OTOS: variants seen among roughly 807,000 people sequenced by gnomAD.
OTOS encodes the protein otospiralin.
OTOS carries 14 observed loss-of-function variants against 12.5 expected under a neutral mutation model. The ratio of observed to expected loss-of-function variants is 1.12; its 90% confidence interval spans 0.74 to 1.76. OTOS has a LOEUF of 1.76. Among genes scored for constraint, OTOS ranks in the 40% most tolerant of loss-of-function variants. The probability of loss-of-function intolerance (pLI) is 0.00; values close to 1 mark genes in which losing one functional copy is unlikely to be tolerated. For missense variants in OTOS, 141 were observed against 112.8 expected, an observed-to-expected ratio of 1.25 and a Z score of -1.13; for synonymous variants, 49 against 47.6, an observed-to-expected ratio of 1.03 and a Z score of -0.12.
Position 240,140,342 on chromosome 2 carries a change from T to C in OTOS, c.-16A>G. ...AGGCCTGCATCTTCCCGGTGCTTCCTGATCTGCGACTCAGGCCCACCTGCA... is the reference window on the plus strand; with the variant it reads ...AGGCCTGCATCTTCCCGGTGCTTCCCGATCTGCGACTCAGGCCCACCTGCA... On this transcript the variant is annotated 5_prime_UTR_variant, in exon 2 of 4. Transcript: ENST00000319460. The C allele has an allele frequency of 6.4e-7, 1 of 1,569,500 alleles. No individual in the cohort carries two copies.
rs2072027270 is a variant in OTOS at position 240,139,068 on chromosome 2, C to T, written c.*102G>A. 3 of 1,284,680 alleles carry T rather than the reference C, an allele frequency of 2.3e-6. No individual in the cohort carries two copies. The highest frequency in any genetic ancestry group is 2.2e-6 in the Non-Finnish European group (2 of 928,000). 79.6% of individuals were successfully genotyped at this position (1,284,680 alleles called of 1,614,324 possible). A position where few individuals can be genotyped will look rare whatever the true frequency, so the allele number is the denominator to read the frequency against. On this transcript the variant is annotated 3_prime_UTR_variant, in exon 4 of 4. Coordinates refer to ENST00000319460, the MANE Select transcript of OTOS (RefSeq NM_148961.4). Reference sequence around the variant, plus strand: ...GGAGTTTATTGAGCGTGAGACCAGGCCTGACTCCTGCAGGGGCCAGGTTTT... The same window carrying T: ...GGAGTTTATTGAGCGTGAGACCAGGTCTGACTCCTGCAGGGGCCAGGTTTT...
chr2:240,140,136 C>T (rs1449427800), intron 2 of OTOS, 48 bp from the exon 3 acceptor site: 4 of 1,609,590 alleles, frequency 2.5e-6, no homozygotes, highest in African/African-American at 2.7e-5. Flanking sequence ...ACCCAGGTGC[C>T]GGTTGGGCCC....
At position 240,140,258 on chromosome 2, in the gene OTOS, C is replaced by A. The variant is rs759851606; in HGVS notation, c.58+11G>T. The A allele has an allele frequency of 1.3e-6, 2 of 1,589,248 alleles. No individual in the cohort carries two copies. Among genetic ancestry groups the A allele is most frequent in the Non-Finnish European group, 8.6e-7 (1 of 1,167,600 alleles). On this transcript the variant is annotated intron_variant, in intron 2 of 3. Transcript: ENST00000319460. Reference sequence around the variant, plus strand: ...TCCTGGTGGCTGCCTCCCTCCAGAGCGGCCCCTCACCTGCAAGAGGCCCCA... The same window carrying A: ...TCCTGGTGGCTGCCTCCCTCCAGAGAGGCCCCTCACCTGCAAGAGGCCCCA...
chr2:240,140,108 C>A lies in OTOS; in HGVS notation c.59-20G>T. ...TGGCCCCTGCAAAGGAAGAGAAGAG[C>A]TGTCACCCAGGAGGACCACCCAGGT... On this transcript the variant is annotated intron_variant, in intron 2 of 3. Coordinates refer to ENST00000319460, the MANE Select transcript of OTOS (RefSeq NM_148961.4). The A allele has an allele frequency of 6.2e-7, 1 of 1,613,136 alleles. No homozygotes were observed. The highest frequency in any genetic ancestry group is 8.5e-7 in the Non-Finnish European group (1 of 1,179,594).
chr2:240,139,047 T>A lies in OTOS; in HGVS notation c.*123A>T. 2 of 1,011,680 alleles carry A rather than the reference T, an allele frequency of 2.0e-6. No homozygotes were observed. The highest frequency in any genetic ancestry group is 2.8e-6 in the Non-Finnish European group (2 of 710,506). 62.7% of individuals were successfully genotyped at this position (1,011,680 alleles called of 1,614,324 possible). A position where few individuals can be genotyped will look rare whatever the true frequency, so the allele number is the denominator to read the frequency against. On this transcript the variant is annotated 3_prime_UTR_variant, in exon 4 of 4. Transcript: ENST00000319460. ...CTGGTTGTGCATCTTCAGTCCGGAG[T>A]TTATTGAGCGTGAGACCAGGCCTGA...
chr2:240,139,464 G>T, intron 3 of OTOS, 110 bp from the exon 4 acceptor site: 2 of 1,142,920 alleles, frequency 1.7e-6, no homozygotes, highest in Non-Finnish European at 2.5e-6. Context: ...TACCTACAGT[G>T]ATACAACCTT....
In OTOS at chr2:240,139,268, C is replaced by A. The variant is rs1400358675; in HGVS notation, c.172G>T (p.Gly58Trp). Reference protein sequence around the residue: ...WNYVQHFQALGAYPQIEDMAR... With the variant: ...WNYVQHFQALWAYPQIEDMAR... ...ATGTCCTCGATCTGGGGGTAGGCCC[C>A]CAGGGCCTGGAAGTGCTGCACATAG... The change falls in exon 4 of 4, where the codon GGG becomes TGG. Residue 58 changes from glycine (G) to tryptophan (W), a missense_variant. Gly to Trp is a radical substitution (Grantham distance 184). Coordinates refer to ENST00000319460, the MANE Select transcript of OTOS (RefSeq NM_148961.4). 1.2e-6 allele frequency: 2 copies of A among 1,614,164 alleles called. No homozygotes were observed. The highest frequency in any genetic ancestry group is 8.5e-7 in the Non-Finnish European group (1 of 1,180,014).
chr2:240,139,672 A>AC (rs1559485062), intron 3 of OTOS, among the ~76,000 whole-genome samples: 1 of 151,946 alleles, frequency 6.6e-6, no homozygotes, highest in Non-Finnish European at 1.5e-5. Flanking sequence ...CCACTCCGCT[A>AC]CCCCCCGTAT....
rs1329580993 is a variant in OTOS at position 240,139,197 on chromosome 2, G to A, written c.243C>T (p.Gly81=). The change falls in exon 4 of 4, where the codon GGC becomes GGT. Residue 81 remains glycine (G), a synonymous_variant. Coordinates refer to ENST00000319460, the MANE Select transcript of OTOS (RefSeq NM_148961.4). The part of the protein sequence containing the change: ...FAHFPLGSTL[G]FHVPYQED The stretch of plus-strand genomic sequence containing the variant: ...AGTCCTCCTGATAGGGAACGTGGAA[G>A]CCCAGCGTGCTCCCCAGGGGGAAGT... The A allele has an allele frequency of 1.9e-6, 3 of 1,613,840 alleles. No individual in the cohort carries two copies. The highest frequency in any genetic ancestry group is 4.5e-5 in the East Asian group (2 of 44,830).
chr2:240,139,119 C>T lies in OTOS; in HGVS notation c.*51G>A. 1.3e-6 allele frequency: 2 copies of T among 1,577,022 alleles called. No individual in the cohort carries two copies. The highest frequency in any genetic ancestry group is 1.7e-6 in the Non-Finnish European group (2 of 1,158,380). ...TGCGGGGACTCCATGCCTGTGGAGG[C>T]CCGACCGAGTGCAGCCTGGCGGGGT... On this transcript the variant is annotated 3_prime_UTR_variant, in exon 4 of 4. Transcript: ENST00000319460.
intron 3 of OTOS, 81 bp downstream of exon 3, chr2:240,139,981 C>G (rs1451565950): frequency 1.3e-6 from 2 of 1,516,528 alleles, no homozygotes; most frequent in African/African-American, 2.8e-5. Context: ...GGATAAGAAG[C>G]TGCTGCTCTC....
intron 3 of OTOS, among the ~76,000 whole-genome samples, chr2:240,139,629 C>T (rs1416938147): frequency 6.6e-6 from 1 of 152,148 alleles, no homozygotes; most frequent in African/African-American, 2.4e-5. Flanking sequence ...CCAGCAGCCA[C>T]CTGCTGGGAT....
At position 240,139,212 on chromosome 2, in the gene OTOS, C is replaced by T. The variant is rs762783406; in HGVS notation, c.228G>A (p.Leu76=). The T allele has an allele frequency of 1.9e-6, 3 of 1,613,960 alleles. No individual in the cohort carries two copies. The highest frequency in any genetic ancestry group is 2.7e-5 in the African/African-American group (2 of 74,934). The change falls in exon 4 of 4, where the codon CTG becomes CTA. Residue 76 remains leucine (L), a synonymous_variant. Transcript: ENST00000319460. ...GAACGTGGAAGCCCAGCGTGCTCCC[C>T]AGGGGGAAGTGGGCAAAGAAGGTTC... is the stretch of plus-strand genomic sequence containing the variant. ...MARTFFAHFP[L]GSTLGFHVPY...
chr2:240,139,267 C>A lies in OTOS; in HGVS notation c.173G>T (p.Gly58Val). 6.2e-7 allele frequency: 1 copy of A among 1,614,166 alleles called. No individual in the cohort carries two copies. The highest frequency in any genetic ancestry group is 8.5e-7 in the Non-Finnish European group (1 of 1,180,020). The change falls in exon 4 of 4, where the codon GGG (glycine) becomes GTG (valine). Residue 58 changes from glycine (G) to valine (V), a missense_variant. Gly to Val is a moderately radical substitution (Grantham distance 109). Transcript: ENST00000319460. The stretch of plus-strand genomic sequence containing the variant: ...CATGTCCTCGATCTGGGGGTAGGCC[C>A]CCAGGGCCTGGAAGTGCTGCACATA... ...WNYVQHFQAL[G>V]AYPQIEDMAR...
Position 240,140,403 on chromosome 2 carries a change from C to G in OTOS, c.-77G>C. 1 of 1,449,404 alleles carries G rather than the reference C, an allele frequency of 6.9e-7. No homozygotes were observed. Among genetic ancestry groups the G allele is most frequent in the Non-Finnish European group, 9.3e-7 (1 of 1,081,024 alleles). The allele number at this position is 1,449,404 out of a possible 1,614,324, so 89.8% of individuals were successfully genotyped here. A position where few individuals can be genotyped will look rare whatever the true frequency, so the allele number is the denominator to read the frequency against. On this transcript the variant is annotated 5_prime_UTR_variant, in exon 2 of 4. Transcript: ENST00000319460. ...CCCAGGAAGGGCGAGACCACCCATC[C>G]GTCAGGGCCGGCTTCCTCTACCAGT...
At position 240,140,361 on chromosome 2, in the gene OTOS, A is replaced by C; in HGVS notation, c.-35T>G. On this transcript the variant is annotated 5_prime_UTR_variant, in exon 2 of 4. Coordinates refer to ENST00000319460, the MANE Select transcript of OTOS (RefSeq NM_148961.4). Reference sequence around the variant, plus strand: ...GCTTCCTGATCTGCGACTCAGGCCCACCTGCAGCAGGATGAACCCAGGAAG... The same window carrying C: ...GCTTCCTGATCTGCGACTCAGGCCCCCCTGCAGCAGGATGAACCCAGGAAG... The C allele has an allele frequency of 1.3e-6, 2 of 1,542,476 alleles. No individual in the cohort carries two copies. Among genetic ancestry groups the C allele is most frequent in the African/African-American group, 2.7e-5 (2 of 73,476 alleles).
chr2:240,140,150 C>T (rs373819956), intron 2 of OTOS, 62 bp from the exon 3 acceptor site: 43 of 1,606,562 alleles, frequency 2.7e-5, no homozygotes, highest in African/African-American at 1.3e-4. Context: ...TGGGCCCACC[C>T]GACACCAGCT....
Position 240,140,425 on chromosome 2 carries a change from C to T in OTOS, c.-99G>A. 1.5e-6 allele frequency: 2 copies of T among 1,302,862 alleles called. No homozygotes were observed. The highest frequency in any genetic ancestry group is 2.9e-5 in the South Asian group (2 of 68,148). The allele number at this position is 1,302,862 out of a possible 1,614,324, so 80.7% of individuals were successfully genotyped here. ...ATCCGTCAGGGCCGGCTTCCTCTACCAGTCCCAGTGTGGGCAGCCCTGGGG... is the reference window on the plus strand; with the variant it reads ...ATCCGTCAGGGCCGGCTTCCTCTACTAGTCCCAGTGTGGGCAGCCCTGGGG... On this transcript the variant is annotated 5_prime_UTR_variant, in exon 2 of 4. Coordinates refer to ENST00000319460, the MANE Select transcript of OTOS (RefSeq NM_148961.4).
In OTOS at chr2:240,140,051, G is replaced by C; in HGVS notation, c.85+11C>G. 2.5e-6 allele frequency: 4 copies of C among 1,612,866 alleles called. No homozygotes were observed. Among genetic ancestry groups the C allele is most frequent in the Non-Finnish European group, 3.4e-6 (4 of 1,179,518 alleles). ...TATGCAAATGAAAGGAAAGAAATTGGAGAACGGTACCTCCTTCCTCCTGCA... is the reference window on the plus strand; with the variant it reads ...TATGCAAATGAAAGGAAAGAAATTGCAGAACGGTACCTCCTTCCTCCTGCA... On this transcript the variant is annotated intron_variant, in intron 3 of 3. Transcript: ENST00000319460.
Sources: allele counts gnomAD v4.1 joint callset (sites outside exome capture counted in the v4.1 genomes callset), GRCh38; gene constraint gnomAD v4.1.1; transcripts MANE v1.5; gene names NCBI Gene and HGNC (gene_info 2026-07-23, HGNC 2026-07-21).